APP: variants seen among roughly 807,000 people sequenced by gnomAD.
APP encodes the protein amyloid beta precursor protein.
In APP, 31 loss-of-function variants were observed where a neutral mutation model predicts 101.4. The observed-to-expected ratio is 0.31, with a 90% CI of 0.23 to 0.41. APP has a LOEUF of 0.41. APP is among the 10% of genes least tolerant of loss of function. The pLI, the probability that APP is intolerant of heterozygous loss-of-function variation, is 1.00. For missense variants in APP, 839 were observed against 1,003.7 expected, an observed-to-expected ratio of 0.84 and a Z score of 2.22; for synonymous variants, 366 against 364.4, an observed-to-expected ratio of 1.00 and a Z score of -0.05.
intron 3 of APP, among the ~76,000 whole-genome samples, chr21:26,067,126 T>C (rs1198618350): frequency 6.6e-6 from 1 of 152,198 alleles, no homozygotes; most frequent in Non-Finnish European, 1.5e-5. Context: ...AAATTTCCTG[T>C]AGCCACATTA....
chr21:25,884,400 A>C lies in APP; in HGVS notation c.2212-2629T>G, dbSNP rs184012073. On this transcript the variant is annotated intron_variant, in intron 17 of 17. Transcript: ENST00000346798. ...TCTGCTCAAATGGATGCTCAGCTTC[A>C]CTGTCCTTCTGGGAGCAAATCACAG... Among the ~76,000 whole-genome samples, 172 of 152,344 alleles carry C rather than the reference A, an allele frequency of 1.1e-3. 2 individuals are homozygous for C. Among genetic ancestry groups the C allele is most frequent in the African/African-American group, 3.7e-3 (155 of 41,592 alleles).
intron 5 of APP, among the ~76,000 whole-genome samples, chr21:26,023,373 T>TTAA (rs71327996): frequency 4.6e-5 from 5 of 109,822 alleles, no homozygotes; most frequent in African/African-American, 1.7e-4. Flanking sequence ...CCAAAAAAAT[T>TTAA]AAAAAAAAAA....
At chr21:25,966,942 T>C (rs11909273) in intron 11 of APP, among the ~76,000 whole-genome samples, 2,111 of 152,316 alleles carry the variant, frequency 0.014, 47 homozygotes, top group African/African-American at 0.048. Context: ...CCCATTAATG[T>C]CTACCCTTGT....
chr21:25,980,955 G>A (rs1170337479), intron 9 of APP, among the ~76,000 whole-genome samples: 2 of 152,204 alleles, frequency 1.3e-5, no homozygotes, highest in African/African-American at 4.8e-5. Flanking sequence ...GCGAAGCAGG[G>A]TAGGCGGGTT....
intron 1 of APP, among the ~76,000 whole-genome samples, chr21:26,133,465 A>T (rs1434235775): frequency 6.6e-6 from 1 of 152,064 alleles, no homozygotes; most frequent in African/African-American, 2.4e-5. Flanking sequence ...ATCTTATTCT[A>T]TATCTTTTGG....
intron 5 of APP, among the ~76,000 whole-genome samples, chr21:26,050,123 TAGC>T (rs1568910229): frequency 6.6e-6 from 1 of 152,062 alleles, no homozygotes; most frequent in Non-Finnish European, 1.5e-5. Flanking sequence ...GGGGCCCTAG[TAGC>T]AGATTACACC....
chr21:25,938,410 T>G (rs1404723551), intron 13 of APP, among the ~76,000 whole-genome samples: 2 of 152,154 alleles, frequency 1.3e-5, no homozygotes, highest in Non-Finnish European at 2.9e-5. Flanking sequence ...AAATACATTC[T>G]GAGTCTCTGC....
In APP at chr21:25,897,632, C is replaced by T. The variant is rs1259157720; in HGVS notation, c.2005G>A (p.Val669Met). The T allele has an allele frequency of 8.7e-6, 14 of 1,613,936 alleles. No homozygotes were observed. The highest frequency in any genetic ancestry group is 1.2e-5 in the Non-Finnish European group (14 of 1,179,958). Residue 669 changes from valine to methionine, a missense_variant, in exon 16 of 18, where the codon GTG (valine) becomes ATG (methionine). Transcript: ENST00000346798. ...TNIKTEEISE[V>M]KMDAEFRHDS... ...TGTCGGAATTCTGCATCCATCTTCACTTCAGAGATCTCCTCCGTCTTGATA... is the reference window on the plus strand; with the variant it reads ...TGTCGGAATTCTGCATCCATCTTCATTTCAGAGATCTCCTCCGTCTTGATA...
intron 2 of APP, among the ~76,000 whole-genome samples, chr21:26,094,194 T>C (rs914631363): frequency 3.3e-5 from 5 of 152,110 alleles, no homozygotes; most frequent in Non-Finnish European, 7.4e-5. Context: ...ATGGAAGCAG[T>C]AAATTCAACC....
At chr21:25,910,566 A>C (rs957539550) in intron 14 of APP, among the ~76,000 whole-genome samples, 11 of 152,230 alleles carry the variant, frequency 7.2e-5, no homozygotes, top group Non-Finnish European at 1.6e-4. Context: ...GTAATTGTAT[A>C]CTTCTGAACA....
At chr21:26,057,853 A>C (rs944403416) in intron 3 of APP, among the ~76,000 whole-genome samples, 1 of 152,246 alleles carries the variant, frequency 6.6e-6, no homozygotes, top group Non-Finnish European at 1.5e-5. Context: ...TTACAAAAGT[A>C]GTTCACTTTT....
intron 5 of APP, among the ~76,000 whole-genome samples, chr21:26,025,490 A>G (rs2044528641): frequency 6.6e-6 from 1 of 152,228 alleles, no homozygotes; most frequent in Non-Finnish European, 1.5e-5. Context: ...CAGGGTTTGG[A>G]CAGCACCGTG....
At chr21:26,163,197 G>A (rs2063531060) in intron 1 of APP, among the ~76,000 whole-genome samples, 1 of 121,366 alleles carries the variant, frequency 8.2e-6, no homozygotes, top group African/African-American at 3.2e-5. Flanking sequence ...GCCAAGACAC[G>A]CCACTGCACT....
intron 1 of APP, among the ~76,000 whole-genome samples, chr21:26,141,045 G>A (rs2063034860): frequency 6.6e-6 from 1 of 152,164 alleles, no homozygotes; most frequent in African/African-American, 2.4e-5. Context: ...TCTGTAAAAT[G>A]GAGTATCTAT....
intron 3 of APP, among the ~76,000 whole-genome samples, chr21:26,088,538 T>C (rs2061750101): frequency 6.6e-6 from 1 of 152,152 alleles, no homozygotes; most frequent in African/African-American, 2.4e-5. Flanking sequence ...CCCATCAAAT[T>C]AACAGACTCA....
At chr21:26,026,908 A>G (rs2044603111) in intron 5 of APP, among the ~76,000 whole-genome samples, 1 of 152,176 alleles carries the variant, frequency 6.6e-6, no homozygotes, top group Non-Finnish European at 1.5e-5. Context: ...TCTAAGGGGG[A>G]CGCTGATAAT....
chr21:25,898,884 G>A (rs1330679955), intron 15 of APP, among the ~76,000 whole-genome samples: 1 of 152,178 alleles, frequency 6.6e-6, no homozygotes, highest in Admixed American at 6.5e-5. Context: ...TTGTCTACGA[G>A]ATTCTGGGAA....
chr21:26,028,873 T>C (rs1252255967), intron 5 of APP, among the ~76,000 whole-genome samples: 2 of 151,926 alleles, frequency 1.3e-5, no homozygotes, highest in African/African-American at 4.8e-5. Flanking sequence ...GGAAAGGAGA[T>C]GGGGCTAATT....
At chr21:26,029,783 T>G (rs1301223688) in intron 5 of APP, among the ~76,000 whole-genome samples, 1 of 152,048 alleles carries the variant, frequency 6.6e-6, no homozygotes, top group Non-Finnish European at 1.5e-5. Context: ...TTTAAAGGAT[T>G]ATAAAAAGAA....
Sources: allele counts gnomAD v4.1 joint callset (sites outside exome capture counted in the v4.1 genomes callset), GRCh38; gene constraint gnomAD v4.1.1; transcripts MANE v1.5; gene names NCBI Gene and HGNC (gene_info 2026-07-23, HGNC 2026-07-21).